Variants in MBNL2 observed in about 807,000 individuals in gnomAD.
MBNL2 encodes muscleblind like splicing regulator 2.
A neutral mutation model predicts 41.9 loss-of-function variants in MBNL2; 17 were observed. The observed-to-expected ratio is 0.41, with a 90% CI of 0.28 to 0.61. The LOEUF (loss-of-function observed/expected upper bound fraction) is 0.61, where lower values mean the gene tolerates loss of function less well. Among genes scored for constraint, MBNL2 ranks in the 20% least tolerant of loss-of-function variants. MBNL2 has a pLI of 0.35. For synonymous variants in MBNL2, 195 were observed against 182.9 expected (o/e 1.07, Z -0.53); for missense variants, 336 against 505.6 (o/e 0.66, Z 3.22).
chr13:97,324,599 T>C (rs2059768033), intron 2 of MBNL2, among the ~76,000 whole-genome samples: 1 of 152,110 alleles, frequency 6.6e-6, no homozygotes, highest in African/African-American at 2.4e-5. Flanking sequence ...GATGTATATA[T>C]GAAGGGGAGT....
upstream of MBNL2, among the ~76,000 whole-genome samples, chr13:97,217,900 G>T (rs1416001269): frequency 6.6e-6 from 1 of 151,914 alleles, no homozygotes; most frequent in African/African-American, 2.4e-5. Context: ...ATGGAGAGGA[G>T]TGGATAGATT....
At chr13:97,164,290 G>A in the MBNL2 span, among the ~76,000 whole-genome samples, 6 of 152,356 alleles carry the variant, frequency 3.9e-5, no homozygotes, top group African/African-American at 1.4e-4. Context: ...TTACAGGCAT[G>A]AGCCACCGCA....
At chr13:97,344,236 T>C (rs979023418) in intron 4 of MBNL2, among the ~76,000 whole-genome samples, 6 of 152,232 alleles carry the variant, frequency 3.9e-5, no homozygotes, top group East Asian at 1.9e-4. Context: ...CTGTACTTTG[T>C]TGGGTAAAAT....
At chr13:97,214,847 A>G in the MBNL2 span, among the ~76,000 whole-genome samples, 1 of 152,358 alleles carries the variant, frequency 6.6e-6, no homozygotes, top group African/African-American at 2.4e-5. Context: ...AATAGCAGTC[A>G]GGAGCTGCAA....
chr13:97,193,781 G>C, the MBNL2 span, among the ~76,000 whole-genome samples: 1 of 152,166 alleles, frequency 6.6e-6, no homozygotes, highest in South Asian at 2.1e-4. Flanking sequence ...CGGGTAGCCA[G>C]AGTCAGGCCA....
At chr13:97,232,310 C>A (rs1309319897) in intron 1 of MBNL2, among the ~76,000 whole-genome samples, 1 of 152,120 alleles carries the variant, frequency 6.6e-6, no homozygotes. Context: ...GGAAGTGTTC[C>A]CTACCCAGAT....
chr13:97,359,484 A>G (rs1466077768), intron 7 of MBNL2, among the ~76,000 whole-genome samples: 1 of 152,232 alleles, frequency 6.6e-6, no homozygotes, highest in Non-Finnish European at 1.5e-5. Flanking sequence ...TGAAAGAATC[A>G]TCACTTTAAA....
At chr13:97,198,167 G>A in the MBNL2 span, among the ~76,000 whole-genome samples, 1 of 152,160 alleles carries the variant, frequency 6.6e-6, no homozygotes, top group Admixed American at 6.5e-5. Context: ...CCTCATTGAT[G>A]AGACTGGATG....
intron 2 of MBNL2, among the ~76,000 whole-genome samples, chr13:97,302,597 C>T (rs1366345140): frequency 6.6e-6 from 1 of 152,170 alleles, no homozygotes; most frequent in African/African-American, 2.4e-5. Flanking sequence ...GACAGATGAA[C>T]CTTAGAGAAT....
intron 8 of MBNL2, among the ~76,000 whole-genome samples, chr13:97,378,931 A>G (rs768656494): frequency 5.9e-5 from 9 of 152,210 alleles, no homozygotes; most frequent in Middle Eastern, 3.2e-3. Flanking sequence ...AGCACATCTT[A>G]GAGAATAATT....
chr13:97,231,434 CA>C (rs1295359292), intron 1 of MBNL2, among the ~76,000 whole-genome samples: 2 of 152,220 alleles, frequency 1.3e-5, no homozygotes. Context: ...GTCACTGCCA[CA>C]ATGTGAGTGG....
At chr13:97,271,121 T>G (rs950121323) in intron 1 of MBNL2, among the ~76,000 whole-genome samples, 10 of 151,016 alleles carry the variant, frequency 6.6e-5, no homozygotes, top group South Asian at 2.1e-4. Flanking sequence ...TGTTTTTTTT[T>G]TTTTGTTTTT....
chr13:97,180,468 G>A, the MBNL2 span, among the ~76,000 whole-genome samples: 1 of 152,020 alleles, frequency 6.6e-6, no homozygotes, highest in Non-Finnish European at 1.5e-5. Flanking sequence ...CAGGCATGGT[G>A]GCTCACACCT....
the MBNL2 span, among the ~76,000 whole-genome samples, chr13:97,171,155 C>G: frequency 1.3e-5 from 2 of 152,216 alleles, no homozygotes; most frequent in Non-Finnish European, 2.9e-5. Flanking sequence ...CTCCAGAGTT[C>G]AACTATGCCC....
At chr13:97,377,466 T>C (rs774213478) in intron 8 of MBNL2, among the ~76,000 whole-genome samples, 3 of 152,158 alleles carry the variant, frequency 2.0e-5, no homozygotes, top group Non-Finnish European at 4.4e-5. Flanking sequence ...ATAAAATAAA[T>C]TTGCTTCCTC....
the MBNL2 span, among the ~76,000 whole-genome samples, chr13:97,148,520 G>A: frequency 1.3e-5 from 2 of 152,210 alleles, no homozygotes; most frequent in Middle Eastern, 3.4e-3. Context: ...CAGTCTTTTG[G>A]GGGATGCCAA....
chr13:97,308,065 A>C (rs1222332198), intron 2 of MBNL2, among the ~76,000 whole-genome samples: 1 of 152,224 alleles, frequency 6.6e-6, no homozygotes, highest in African/African-American at 2.4e-5. Flanking sequence ...AAGGGATTAC[A>C]TCTTTGGGAT....
At chr13:97,197,491 C>T in the MBNL2 span, among the ~76,000 whole-genome samples, 2 of 152,154 alleles carry the variant, frequency 1.3e-5, no homozygotes, top group Non-Finnish European at 2.9e-5. Context: ...TCAAAGTTCT[C>T]TGCTATAACC....
intron 2 of MBNL2, among the ~76,000 whole-genome samples, chr13:97,311,112 AAG>A (rs1360407884): frequency 6.6e-6 from 1 of 152,208 alleles, no homozygotes; most frequent in Admixed American, 6.5e-5. Flanking sequence ...GGAAATAAAA[AAG>A]AGGGGGAGGA....
Sources: allele counts gnomAD v4.1 joint callset (sites outside exome capture counted in the v4.1 genomes callset), GRCh38; gene constraint gnomAD v4.1.1; transcripts MANE v1.5; gene names NCBI Gene and HGNC (gene_info 2026-07-23, HGNC 2026-07-21).